Variants in ACTA2 observed in about 807,000 individuals in gnomAD.
ACTA2 encodes actin, aortic smooth muscle.
In ACTA2, 12 loss-of-function variants were observed where a neutral mutation model predicts 39.5. That is an observed-to-expected ratio of 0.30 (90% CI 0.19 to 0.49). ACTA2 has a LOEUF of 0.49. ACTA2 is among the 20% of genes least tolerant of loss of function. The pLI is 0.99. For synonymous variants in ACTA2, 158 were observed against 180.6 expected (o/e 0.88, Z 1.00); for missense variants, 236 against 498.8 (o/e 0.47, Z 5.02).
intron 1 of ACTA2, among the ~76,000 whole-genome samples, chr10:88,988,471 A>G (rs1483857683): frequency 7.1e-6 from 1 of 140,272 alleles, no homozygotes; most frequent in Admixed American, 7.4e-5. Context: ...TTTTTTACAT[A>G]GTCAAGATTC....
intron 2 of ACTA2, 40 bp downstream of exon 2, chr10:88,948,762 A>C (rs780089372): frequency 1.2e-6 from 2 of 1,612,738 alleles, no homozygotes; most frequent in East Asian, 4.5e-5. Context: ...AGAGGAACCT[A>C]ATCTGTGTCC....
In ACTA2 at chr10:88,947,291, A is replaced by G. The variant is rs1182317908; in HGVS notation, c.225T>C (p.His75=). 4 of 1,613,794 alleles carry G rather than the reference A, an allele frequency of 2.5e-6. No homozygotes were observed. The highest frequency in any genetic ancestry group is 1.6e-4 in the Middle Eastern group (1 of 6,080). Residue 75 remains histidine (H), a synonymous_variant, in exon 3 of 9, where the codon CAT becomes CAC. Transcript: ENST00000224784. ...TGTCGTCCCAGTTGGTGATGATGCC[A>G]TGTTCTATCGGGTACTTCAGGGTCA... The part of the protein sequence containing the change: ...GILTLKYPIE[H]GIITNWDDME...
chr10:88,990,836 G>T lies in ACTA2; in HGVS notation c.-24+103C>A, dbSNP rs759174021. On this transcript the variant is annotated intron_variant, in intron 1 of 4. Transcript: ENST00000415557. This position sits in a 1 kb window ranked among gnomAD's most constrained non-coding sequence, Gnocchi z 4.9. The stretch of plus-strand genomic sequence containing the variant: ...GGTTGGTGGACCCGCTCAGTACGGA[G>T]TTGGGGAAGCTCTTTCACTTCGGAG... 3 of 1,614,218 alleles carry T rather than the reference G, an allele frequency of 1.9e-6. No individual in the cohort carries two copies. The highest frequency in any genetic ancestry group is 2.5e-6 in the Non-Finnish European group (3 of 1,180,016).
At chr10:88,935,670 A>C in intron 8 of ACTA2, 2 of 357,588 alleles carry the variant, frequency 5.6e-6, no homozygotes, top group Non-Finnish European at 1.1e-5. Flanking sequence ...CCACTTAAGA[A>C]CCCTGGCAAT....
intron 1 of ACTA2, among the ~76,000 whole-genome samples, chr10:88,970,001 G>A (rs1372964439): frequency 6.6e-6 from 1 of 152,134 alleles, no homozygotes; most frequent in Non-Finnish European, 1.5e-5. Context: ...GGAAAAAATT[G>A]CTCATGGCAG....
At position 88,973,112 on chromosome 10, in the gene ACTA2, T is replaced by TCTATTTTAATTTTTC. The variant is rs1477105915; in HGVS notation, c.-24+17812_-24+17826dup. The TCTATTTTAATTTTTC allele has an allele frequency of 7.5e-6, 11 of 1,474,104 alleles. No individual in the cohort carries two copies. The African/African-American group carries it at 9.9e-5, about 13-fold the overall frequency. 91.3% of individuals were successfully genotyped at this position (1,474,104 alleles called of 1,614,324 possible). On this transcript the variant is annotated intron_variant, in intron 1 of 4. Coordinates refer to the ACTA2 transcript ENST00000415557. The stretch of plus-strand genomic sequence containing the variant: ...AATTTTAACTTCTATGTTTTATTTT[T>TCTATTTTAATTTTTC]CTATTTTAATTTTTCCTGGGCCTTG...
intron 1 of ACTA2, among the ~76,000 whole-genome samples, chr10:88,987,616 C>T (rs1846942980): frequency 6.6e-6 from 1 of 152,132 alleles, no homozygotes; most frequent in Admixed American, 6.5e-5. Flanking sequence ...GGTTTGTGTC[C>T]CAGTGTTTCC....
chr10:88,973,207 T>G (rs774518423), intron 1 of ACTA2: 14 of 1,612,586 alleles, frequency 8.7e-6, no homozygotes, highest in Non-Finnish European at 1.1e-5. Context: ...TCTGGGATAA[T>G]TTCTGGCACT....
chr10:88,962,951 A>G lies in ACTA2; in HGVS notation c.-23-13998T>C, dbSNP rs1421516122. ...TATATATATATATATATATATATATATATATATATATATATATATATATAT... is the reference window on the plus strand; with the variant it reads ...TATATATATATATATATATATATATGTATATATATATATATATATATATAT... On this transcript the variant is annotated intron_variant, in intron 1 of 4. Transcript: ENST00000415557. Among the ~76,000 whole-genome samples the G allele has an allele frequency of 6.3e-3, 96 of 15,172 alleles. 1 individual carries two copies. The Middle Eastern group carries it at 0.065, about 10-fold the overall frequency. The allele number at this position is 15,172 out of a possible 152,430, so 10.0% of individuals were successfully genotyped here.
chr10:88,970,954 A>AATGTCTGAACTC (rs1203089097), intron 1 of ACTA2, among the ~76,000 whole-genome samples: 1 of 152,184 alleles, frequency 6.6e-6, no homozygotes, highest in African/African-American at 2.4e-5. Flanking sequence ...TGACAAAAAT[A>AATGTCTGAACTC]ATGTCTGAAC....
rs148886072 is a variant in ACTA2, at chr10:88,945,437, G to A, written c.259-1530C>T. 3.6e-3 allele frequency among the ~76,000 whole-genome samples: 553 copies of A among 152,250 alleles called. 4 individuals carry two copies. Among genetic ancestry groups the A allele is most frequent in the Middle Eastern group, 0.017 (5 of 294 alleles). On this transcript the variant is annotated intron_variant, in intron 3 of 8. Coordinates refer to ENST00000224784, the MANE Select transcript of ACTA2 (RefSeq NM_001613.4). ...GTGTGCGTAGTAGTAGTAGTGAGCCGATAGATAAATAAAAGGCCAGATATC... is the reference window on the plus strand; with the variant it reads ...GTGTGCGTAGTAGTAGTAGTGAGCCAATAGATAAATAAAAGGCCAGATATC...
In ACTA2 at chr10:88,970,746, C is replaced by A. The variant is rs529610649; in HGVS notation, c.-24+20193G>T. Among the ~76,000 whole-genome samples, 151 of 152,128 alleles carry A rather than the reference C, an allele frequency of 9.9e-4. 1 individual carries two copies. Among genetic ancestry groups the A allele is most frequent in the Non-Finnish European group, 1.6e-3 (111 of 67,998 alleles). ...GGGTGGGGAGAGCGGGGAGGGATAG[C>A]ATTAGGAGATATACCTAATGTAAAT... On this transcript the variant is annotated intron_variant, in intron 1 of 4. Coordinates refer to the ACTA2 transcript ENST00000415557.
upstream of ACTA2, among the ~76,000 whole-genome samples, chr10:88,952,985 T>C (rs1308995108): frequency 6.6e-6 from 1 of 152,172 alleles, no homozygotes; most frequent in Non-Finnish European, 1.5e-5. Flanking sequence ...CGGGAGGCGG[T>C]TCAGCCGCCT....
At chr10:88,959,125 A>AC (rs1218613903) in intron 1 of ACTA2, among the ~76,000 whole-genome samples, 2 of 152,234 alleles carry the variant, frequency 1.3e-5, no homozygotes, top group Admixed American at 1.3e-4. Context: ...GCCACATGTG[A>AC]CTATTGATCA....
At chr10:88,955,811 A>T (rs1448270445), upstream of ACTA2, among the ~76,000 whole-genome samples, 1 of 152,190 alleles carries the variant, frequency 6.6e-6, no homozygotes, top group African/African-American at 2.4e-5. Context: ...ACTTTGTGTA[A>T]AGGCAAACAT....
chr10:88,978,499 T>C (rs1017162961), intron 1 of ACTA2, among the ~76,000 whole-genome samples: 2 of 152,242 alleles, frequency 1.3e-5, no homozygotes, highest in Non-Finnish European at 1.5e-5. Context: ...TGAATACATT[T>C]GTTGTACTCT....
chr10:88,981,364 C>T (rs1846706220), intron 1 of ACTA2, among the ~76,000 whole-genome samples: 1 of 145,986 alleles, frequency 6.8e-6, no homozygotes, highest in African/African-American at 2.6e-5. Context: ...TATTAACCAT[C>T]GGGTTAAGAG....
At chr10:88,982,914 A>T (rs1364782277) in intron 1 of ACTA2, among the ~76,000 whole-genome samples, 2 of 152,116 alleles carry the variant, frequency 1.3e-5, no homozygotes, top group Non-Finnish European at 2.9e-5. Flanking sequence ...TATCTGTTTG[A>T]GGTAAACAAC....
chr10:88,938,253 G>A lies in ACTA2; in HGVS notation c.809-11C>T, dbSNP rs369478419. 6.2e-7 allele frequency: 1 copy of A among 1,613,936 alleles called. No individual in the cohort carries two copies. The highest frequency in any genetic ancestry group is 8.5e-7 in the Non-Finnish European group (1 of 1,179,870). ...CAGCAGACTCCATCCCTGGAAAAGAGACACAGGCCATGGTCCTTAAGTGGA... is the reference window on the plus strand; with the variant it reads ...CAGCAGACTCCATCCCTGGAAAAGAAACACAGGCCATGGTCCTTAAGTGGA... On this transcript the variant is annotated splice_polypyrimidine_tract_variant and intron_variant, in intron 7 of 8. Transcript: ENST00000224784.
Sources: gnomAD v4.1 joint callset for allele counts (sites outside exome capture counted in the v4.1 genomes callset) on GRCh38, gnomAD v4.1.1 for gene constraint, Gnocchi (gnomAD v3.1) non-coding constraint, MANE v1.5 for transcripts, NCBI Gene and HGNC (gene_info 2026-07-23, HGNC 2026-07-21) for gene names.